Variants in KCNQ4 observed in about 807,000 individuals in gnomAD.
KCNQ4 encodes potassium voltage-gated channel subfamily Q member 4.
KCNQ4 carries 31 observed loss-of-function variants against 72.6 expected under a neutral mutation model. The observed-to-expected ratio is 0.43, with a 90% CI of 0.32 to 0.58. The LOEUF (loss-of-function observed/expected upper bound fraction) is 0.58. Among genes scored for constraint, KCNQ4 ranks in the 20% least tolerant of loss-of-function variants. The pLI is 0.08. For missense variants in KCNQ4, 869 were observed against 962.6 expected (o/e 0.90, Z 1.29); for synonymous variants, 405 against 403.7 (o/e 1.00, Z -0.04).
intron 9 of KCNQ4, among the ~76,000 whole-genome samples, chr1:40,825,341 G>T (rs151068504): frequency 4.6e-5 from 7 of 152,318 alleles, no homozygotes; most frequent in African/African-American, 1.7e-4. Flanking sequence ...GCCACCCGAT[G>T]CTGTGTGTCC....
chr1:40,824,347 G>A, intron 9 of KCNQ4, 89 bp downstream of exon 9: 3 of 1,420,300 alleles, frequency 2.1e-6, no homozygotes, highest in Non-Finnish European at 1.9e-6. Flanking sequence ...CCTGCCTTCA[G>A]CCACTTCGTG....
In KCNQ4 at chr1:40,784,223, C is replaced by A; in HGVS notation, c.130C>A (p.Arg44Ser). The change falls in exon 1 of 14, where the codon CGC becomes AGC. Residue 44 changes from arginine (R) to serine (S), a missense_variant. Physicochemically the swap from Arg to Ser is moderately radical, Grantham distance 110. Coordinates refer to ENST00000347132, the MANE Select transcript of KCNQ4 (RefSeq NM_004700.4). The surrounding 1 kb of genome is among the most constrained non-coding windows in gnomAD (Gnocchi z 4.1). ...GEAGGGGSPR[R>S]LGLLGSPLPP... ...GGCGGGCGGGGGCGGCTCCCCGCGC[C>A]GCCTCGGCCTCCTGGGCAGCCCCCT... The A allele has an allele frequency of 8.4e-7, 1 of 1,187,598 alleles. No individual in the cohort carries two copies. The highest frequency in any genetic ancestry group is 1.0e-6 in the Non-Finnish European group (1 of 964,258). The allele number at this position is 1,187,598 out of a possible 1,614,324, so 73.6% of individuals were successfully genotyped here.
chr1:40,824,391 G>A (rs1330248827), intron 9 of KCNQ4, 133 bp downstream of exon 9: 17 of 950,340 alleles, frequency 1.8e-5, no homozygotes, highest in East Asian at 1.1e-4. Context: ...CTCCTAGGCC[G>A]TCAGAGGGCC....
chr1:40,823,824 C>G (rs545542550), intron 8 of KCNQ4, among the ~76,000 whole-genome samples: 30 of 152,354 alleles, frequency 2.0e-4, no homozygotes, highest in African/African-American at 7.2e-4. Context: ...AGGCAGTCAG[C>G]TTGATGGGCT....
chr1:40,824,303 C>T (rs1045432007), intron 9 of KCNQ4, 45 bp downstream of exon 9: 3 of 1,577,416 alleles, frequency 1.9e-6, no homozygotes, highest in Admixed American at 3.5e-5. Flanking sequence ...TTCTCCTCCT[C>T]TTCTTCCATT....
intron 1 of KCNQ4, among the ~76,000 whole-genome samples, chr1:40,813,704 G>A (rs1177730377): frequency 6.6e-6 from 1 of 152,106 alleles, no homozygotes; most frequent in African/African-American, 2.4e-5. Flanking sequence ...TGTGGTCAAG[G>A]GGTGGGGCAG....
intron 6 of KCNQ4, 23 bp from the exon 7 acceptor site, chr1:40,820,142 C>T (rs367670884): frequency 4.0e-5 from 64 of 1,594,492 alleles, no homozygotes; most frequent in South Asian, 2.6e-4. Flanking sequence ...GCACATTCCC[C>T]CAACCATGCC....
rs1282329438 is a variant in KCNQ4, at chr1:40,822,418, G to A, written c.1130+16G>A. 3.6e-6 allele frequency: 5 copies of A among 1,399,800 alleles called. No individual in the cohort carries two copies. In the East Asian group the frequency reaches 9.3e-5, roughly 26 times the overall value. The allele number at this position is 1,399,800 out of a possible 1,614,324, so 86.7% of individuals were successfully genotyped here. A position where few individuals can be genotyped will look rare whatever the true frequency, so the allele number is the denominator to read the frequency against. On this transcript the variant is annotated intron_variant, in intron 8 of 13. Transcript: ENST00000347132. ...CATCCTTCAGGTAGGTCCTGCTGGG[G>A]GTGGGGGTGGGTGGGGGGCTGGCAG...
In KCNQ4 at chr1:40,817,506, G is replaced by A; in HGVS notation, c.405+151G>A. 1.6e-6 allele frequency: 1 copy of A among 612,354 alleles called. No individual in the cohort carries two copies. The highest frequency in any genetic ancestry group is 2.9e-6 in the Non-Finnish European group (1 of 345,992). 37.9% of individuals were successfully genotyped at this position (612,354 alleles called of 1,614,324 possible). On this transcript the variant is annotated intron_variant, in intron 2 of 13. Transcript: ENST00000347132. This position sits in a 1 kb window ranked among gnomAD's most constrained non-coding sequence, Gnocchi z 5.5. ...CTGTGTGAGGTAGCACCTCTGGGCT[G>A]GGAGTCCGGGACTGAGGGGGGCCGT...
Position 40,831,324 on chromosome 1 carries a change from A to T in KCNQ4, c.1513+20A>T, listed in dbSNP as rs1422265688. 1 of 1,563,470 alleles carries T rather than the reference A, an allele frequency of 6.4e-7. No homozygotes were observed. The highest frequency in any genetic ancestry group is 8.7e-7 in the Non-Finnish European group (1 of 1,151,544). On this transcript the variant is annotated intron_variant, in intron 10 of 13. Transcript: ENST00000347132. Reference sequence around the variant, plus strand: ...CTGAGGGTAAGCCCCCGGGGGGCTGAGTCCGATCGAGGGCCGGCTGAGGGT... The same window carrying T: ...CTGAGGGTAAGCCCCCGGGGGGCTGTGTCCGATCGAGGGCCGGCTGAGGGT...
rs147641093 is a variant in KCNQ4, at chr1:40,825,974, G to A, written c.1292+1716G>A. On this transcript the variant is annotated intron_variant, in intron 9 of 13. Coordinates refer to ENST00000347132, the MANE Select transcript of KCNQ4 (RefSeq NM_004700.4). ...TATCTATCTGCCTGGGAGGGGACTTGGCGAGTGTCTGGGACACAGGGTGAT... is the reference window on the plus strand; with the variant it reads ...TATCTATCTGCCTGGGAGGGGACTTAGCGAGTGTCTGGGACACAGGGTGAT... 2.6e-4 allele frequency among the ~76,000 whole-genome samples: 39 copies of A among 152,276 alleles called. 1 individual carries two copies. The East Asian group carries it at 7.3e-3, about 29-fold the overall frequency.
At chr1:40,799,397 T>G (rs1448109503) in intron 1 of KCNQ4, among the ~76,000 whole-genome samples, 6 of 152,022 alleles carry the variant, frequency 3.9e-5, no homozygotes, top group African/African-American at 1.2e-4. Context: ...TGGAAAAATT[T>G]GGCTACAAGT....
At chr1:40,793,031 G>C (rs1647317920) in intron 1 of KCNQ4, among the ~76,000 whole-genome samples, 1 of 118,438 alleles carries the variant, frequency 8.4e-6, no homozygotes, top group Admixed American at 9.7e-5. Flanking sequence ...TTTTGAAGCA[G>C]GGCCTCACTC....
chr1:40,816,118 T>C (rs1412382456), intron 1 of KCNQ4, among the ~76,000 whole-genome samples: 1 of 152,138 alleles, frequency 6.6e-6, no homozygotes. Context: ...TGAGGTGTTC[T>C]GCGTAGCATG....
intron 1 of KCNQ4, among the ~76,000 whole-genome samples, chr1:40,816,677 C>A (rs1470322134): frequency 1.3e-5 from 2 of 152,224 alleles, no homozygotes; most frequent in Non-Finnish European, 2.9e-5. Flanking sequence ...CCCCTCCCTA[C>A]ATCCTCTCCC....
At chr1:40,821,402 T>G (rs1318312757) in intron 7 of KCNQ4, among the ~76,000 whole-genome samples, 4 of 152,204 alleles carry the variant, frequency 2.6e-5, no homozygotes, top group African/African-American at 4.8e-5. Flanking sequence ...CAGCTCTGCC[T>G]TGTCCTGCCT....
intron 7 of KCNQ4, among the ~76,000 whole-genome samples, chr1:40,821,729 A>G (rs1025499658): frequency 1.7e-4 from 26 of 152,236 alleles, no homozygotes; most frequent in African/African-American, 6.3e-4. Flanking sequence ...TGCACTGAGA[A>G]TGCAGCGGTA....
At chr1:40,798,869 G>A (rs1553166035) in intron 1 of KCNQ4, among the ~76,000 whole-genome samples, 1 of 152,264 alleles carries the variant, frequency 6.6e-6, no homozygotes, top group Non-Finnish European at 1.5e-5. Flanking sequence ...TGCATCAAGG[G>A]TTTTTTCTCC....
intron 9 of KCNQ4, among the ~76,000 whole-genome samples, chr1:40,825,393 G>A (rs535238573): frequency 1.3e-5 from 2 of 152,298 alleles, no homozygotes; most frequent in Admixed American, 6.5e-5. Context: ...GTGTCCTGGC[G>A]GAAAATCGGC....
Sources: allele counts gnomAD v4.1 joint callset (sites outside exome capture counted in the v4.1 genomes callset), GRCh38; gene constraint gnomAD v4.1.1; non-coding constraint Gnocchi (gnomAD v3.1); transcripts MANE v1.5; gene names NCBI Gene and HGNC (gene_info 2026-07-23, HGNC 2026-07-21).